The following CACNA2D3 variants were observed in gnomAD, a reference collection of about 807,000 sequenced individuals.
The protein encoded by CACNA2D3 is calcium voltage-gated channel auxiliary subunit alpha2delta 3.
CACNA2D3 carries 60 observed loss-of-function variants against 160.6 expected under a neutral mutation model. The ratio of observed to expected loss-of-function variants is 0.37; its 90% CI spans 0.30 to 0.46. CACNA2D3 has a LOEUF of 0.46. Ranked by LOEUF, CACNA2D3 falls within the 20% of genes least tolerant of loss-of-function variation. The probability of loss-of-function intolerance (pLI) is 1.00; values close to 1 mark genes in which losing one functional copy is unlikely to be tolerated. For missense variants in CACNA2D3, 1,205 were observed against 1,365.0 expected, an observed-to-expected ratio of 0.88 and a Z score of 1.85; for synonymous variants, 558 against 492.9, an observed-to-expected ratio of 1.13 and a Z score of -1.75.
At chr3:54,776,542 A>G (rs1702428092) in intron 13 of CACNA2D3, among the ~76,000 whole-genome samples, 1 of 152,044 alleles carries the variant, frequency 6.6e-6, no homozygotes, top group South Asian at 2.1e-4. Flanking sequence ...ACAGCAACCA[A>G]ACAAAGACAA....
chr3:54,401,901 A>G (rs1238212684), intron 4 of CACNA2D3, among the ~76,000 whole-genome samples: 1 of 152,210 alleles, frequency 6.6e-6, no homozygotes, highest in Non-Finnish European at 1.5e-5. Flanking sequence ...TATAAAGGTC[A>G]AAAGTCAAAA....
chr3:54,474,697 A>G (rs750630878), intron 4 of CACNA2D3, among the ~76,000 whole-genome samples: 20 of 152,158 alleles, frequency 1.3e-4, no homozygotes, highest in Non-Finnish European at 2.8e-4. Context: ...AGGGAAAATG[A>G]GACCATCAGG....
intron 5 of CACNA2D3, among the ~76,000 whole-genome samples, chr3:54,537,584 G>T (rs1297770319): frequency 6.6e-6 from 1 of 152,176 alleles, no homozygotes; most frequent in Non-Finnish European, 1.5e-5. Flanking sequence ...CCTACGCTGA[G>T]CACCATTTCT....
At chr3:54,300,057 G>A (rs746547116) in intron 2 of CACNA2D3, among the ~76,000 whole-genome samples, 14 of 152,166 alleles carry the variant, frequency 9.2e-5, no homozygotes, top group Non-Finnish European at 1.8e-4. Flanking sequence ...CGATCAAAGA[G>A]GTTAGTTTAA....
intron 27 of CACNA2D3, among the ~76,000 whole-genome samples, chr3:54,941,614 A>G (rs1052074219): frequency 2.0e-5 from 3 of 152,164 alleles, no homozygotes; most frequent in Non-Finnish European, 2.9e-5. Context: ...TATTGTTTTC[A>G]TTGTCTTTTG....
At chr3:54,323,550 T>C (rs1459989021) in intron 3 of CACNA2D3, among the ~76,000 whole-genome samples, 2 of 150,638 alleles carry the variant, frequency 1.3e-5, no homozygotes, top group African/African-American at 4.9e-5. Flanking sequence ...CACTGCAAGC[T>C]CCGCCTCCCG....
At chr3:54,214,237 A>C (rs1701424804) in intron 2 of CACNA2D3, among the ~76,000 whole-genome samples, 1 of 152,200 alleles carries the variant, frequency 6.6e-6, no homozygotes, top group South Asian at 2.1e-4. Flanking sequence ...GCTCAGAATA[A>C]AGAGCTTAGA....
chr3:54,991,746 C>T (rs960598388), intron 31 of CACNA2D3, among the ~76,000 whole-genome samples: 9 of 152,132 alleles, frequency 5.9e-5, no homozygotes, highest in African/African-American at 2.2e-4. Context: ...CACTGTGTGG[C>T]CATGGACGGT....
chr3:54,256,641 C>G (rs1405456050), intron 2 of CACNA2D3, among the ~76,000 whole-genome samples: 1 of 151,750 alleles, frequency 6.6e-6, no homozygotes, highest in African/African-American at 2.4e-5. Context: ...ATGAATGACA[C>G]ACACCTGAGA....
chr3:54,409,381 T>TC (rs1559473731), intron 4 of CACNA2D3, among the ~76,000 whole-genome samples: 1 of 152,192 alleles, frequency 6.6e-6, no homozygotes, highest in Non-Finnish European at 1.5e-5. Flanking sequence ...TGTTGGACTG[T>TC]CCCACCAACC....
intron 11 of CACNA2D3, among the ~76,000 whole-genome samples, chr3:54,700,458 T>G (rs772333972): frequency 6.6e-6 from 1 of 152,306 alleles, no homozygotes; most frequent in Non-Finnish European, 1.5e-5. Context: ...CAACCAAATT[T>G]CAAGTGTTTT....
Position 54,537,057 on chromosome 3 carries a change from A to G in CACNA2D3, c.545-25743A>G, listed in dbSNP as rs570048225. ...TCTCTCTTAGTCCTATCAGCTAAGT[A>G]TTGTTATCCTCTTTTTACAGATAAG... is the stretch of plus-strand genomic sequence containing the variant. On this transcript the variant is annotated intron_variant, in intron 5 of 37. Coordinates refer to ENST00000474759, the MANE Select transcript of CACNA2D3 (RefSeq NM_018398.3). Among the ~76,000 whole-genome samples the G allele has an allele frequency of 3.9e-5, 6 of 152,054 alleles. No homozygotes were observed. The East Asian group carries it at 1.2e-3, about 30-fold the overall frequency.
chr3:54,285,394 C>T (rs1702988905), intron 2 of CACNA2D3, among the ~76,000 whole-genome samples: 1 of 152,220 alleles, frequency 6.6e-6, no homozygotes, highest in Non-Finnish European at 1.5e-5. Flanking sequence ...GGTCGCCTGC[C>T]ATTCCCCAGG....
chr3:54,886,935 CTTTT>C (rs60899252), intron 23 of CACNA2D3, among the ~76,000 whole-genome samples: 3 of 107,740 alleles, frequency 2.8e-5, no homozygotes, highest in Admixed American at 1.2e-4. Context: ...CAGCAAAGCT[CTTTT>C]TTTTTTTTTT....
chr3:54,590,830 G>C (rs575671889), intron 9 of CACNA2D3, among the ~76,000 whole-genome samples: 1 of 152,134 alleles, frequency 6.6e-6, no homozygotes, highest in African/African-American at 2.4e-5. Flanking sequence ...TGCAGTAGGT[G>C]AGAAATTCTT....
chr3:54,844,122 T>C (rs1462400053), intron 16 of CACNA2D3, among the ~76,000 whole-genome samples: 1 of 151,510 alleles, frequency 6.6e-6, no homozygotes, highest in African/African-American at 2.4e-5. Context: ...TTAGGGAAAA[T>C]GAGTACTTGA....
chr3:54,844,584 A>G (rs946355309), intron 16 of CACNA2D3, among the ~76,000 whole-genome samples: 1 of 151,804 alleles, frequency 6.6e-6, no homozygotes, highest in East Asian at 1.9e-4. Flanking sequence ...CTCTATTCCA[A>G]CCACCCCGCC....
In CACNA2D3 at chr3:54,846,400, T is replaced by A. The variant is rs1316627255; in HGVS notation, c.1559T>A (p.Ile520Asn). 6 of 1,603,900 alleles carry A rather than the reference T, an allele frequency of 3.7e-6. No homozygotes were observed. Among genetic ancestry groups the A allele is most frequent in the Non-Finnish European group, 5.1e-6 (6 of 1,174,276 alleles). ...LKTIPKYKLG[I>N]HGYAFAITNN... ...TCTTGCTTCCTCTTACAGTTAGGGA[T>A]TCACGGTTATGCCTTTGCAATCACA... The change falls in exon 17 of 38, where the codon ATT becomes AAT. Residue 520 changes from isoleucine to asparagine, a missense_variant. By Grantham distance (149) the Ile-to-Asn change is moderately radical. This residue lies in a region of CACNA2D3 where 911 missense variants were observed against 1,002.2 expected (regional missense o/e 0.91). Transcript: ENST00000474759.
chr3:54,559,690 A>G (rs1294652926), intron 5 of CACNA2D3, among the ~76,000 whole-genome samples: 1 of 152,180 alleles, frequency 6.6e-6, no homozygotes, highest in Non-Finnish European at 1.5e-5. Flanking sequence ...TTCATCACTT[A>G]GGTATTAAGC....
Sources: allele counts gnomAD v4.1 joint callset (sites outside exome capture counted in the v4.1 genomes callset), GRCh38; gene constraint gnomAD v4.1.1; regional missense constraint gnomAD v4.1.1; transcripts MANE v1.5; gene names NCBI Gene and HGNC (gene_info 2026-07-23, HGNC 2026-07-21).